Variants in MEGF10 observed in about 807,000 individuals in gnomAD.
MEGF10 encodes the protein multiple EGF like domains 10.
In MEGF10, 86 loss-of-function variants were observed where a neutral mutation model predicts 147.5. The ratio of observed to expected loss-of-function variants is 0.58; its 90% CI spans 0.49 to 0.70. The LOEUF (loss-of-function observed/expected upper bound fraction) is 0.70, where lower values mean the gene tolerates loss of function less well. MEGF10 is among the 30% of genes least tolerant of loss of function. The pLI is 0.00. For missense variants in MEGF10, 1,329 were observed against 1,487.3 expected, an observed-to-expected ratio of 0.89 and a Z score of 1.75; for synonymous variants, 478 against 525.5, an observed-to-expected ratio of 0.91 and a Z score of 1.24.
upstream of MEGF10, among the ~76,000 whole-genome samples, chr5:127,288,913 A>G (rs971831754): frequency 4.6e-5 from 7 of 152,244 alleles, no homozygotes; most frequent in African/African-American, 1.4e-4. Flanking sequence ...CAAACTTCAG[A>G]TACAGGCACA....
chr5:127,343,822 C>T (rs1761774842), intron 4 of MEGF10, among the ~76,000 whole-genome samples: 3 of 151,860 alleles, frequency 2.0e-5, no homozygotes, highest in African/African-American at 7.3e-5. Flanking sequence ...GCTCCAGAGA[C>T]TTTACTGAAG....
chr5:127,245,521 G>T, the MEGF10 span, among the ~76,000 whole-genome samples: 2 of 152,054 alleles, frequency 1.3e-5, no homozygotes, highest in African/African-American at 4.8e-5. Flanking sequence ...GAAAACCTAG[G>T]CAATACCATT....
chr5:127,269,253 G>T, the MEGF10 span, among the ~76,000 whole-genome samples: 4 of 152,274 alleles, frequency 2.6e-5, no homozygotes, highest in Non-Finnish European at 5.9e-5. Context: ...ATTTTGACGA[G>T]TTGAAAGAAG....
chr5:127,429,099 C>A (rs573085891), intron 13 of MEGF10, among the ~76,000 whole-genome samples: 1 of 152,330 alleles, frequency 6.6e-6, no homozygotes, highest in African/African-American at 2.4e-5. Context: ...CCAGAGATGG[C>A]TGCAGATTTA....
rs747392806 is a variant in MEGF10, at chr5:127,455,599, ATGAAGTTGG to A, written c.3228_3232+4del. 6.8e-6 allele frequency: 11 copies of A among 1,613,966 alleles called. No individual in the cohort carries two copies. The highest frequency in any genetic ancestry group is 1.3e-5 in the African/African-American group (1 of 74,922). On this transcript the variant is annotated splice_donor_variant and coding_sequence_variant, in exon 24 of 25. Coordinates refer to ENST00000503335, the MANE Select transcript of MEGF10 (RefSeq NM_001256545.2). LOFTEE classifies it high-confidence loss of function. ...TCAACTTCAGCCAACAGGAATGTCT[ATGAAGTTGG>A]TGAGTTCCCTTAACCATAGAAAGAA... is the stretch of plus-strand genomic sequence containing the variant.
chr5:127,440,740 A>T lies in MEGF10; in HGVS notation c.2235A>T (p.Arg745Ser). The T allele has an allele frequency of 6.2e-7, 1 of 1,613,914 alleles. No individual in the cohort carries two copies. The highest frequency in any genetic ancestry group is 8.5e-7 in the Non-Finnish European group (1 of 1,179,888). ...CTACTGTCCTCCCTCCTCCCACAGGATGTCCTCTAGGGTTTTATGGAAAAG... is the reference window on the plus strand; with the variant it reads ...CTACTGTCCTCCCTCCTCCCACAGGTTGTCCTCTAGGGTTTTATGGAAAAG... ...PGWTGLYCTQ[R>S]CPLGFYGKDC... Residue 745 changes from arginine to serine, a missense_variant and splice_region_variant, in exon 18 of 25, where the codon AGA becomes AGT. Around this residue, in one of 3 missense-constraint regions of MEGF10, gnomAD observed 980 missense variants for 1,085.9 expected, o/e 0.90. Coordinates refer to ENST00000503335, the MANE Select transcript of MEGF10 (RefSeq NM_001256545.2).
chr5:127,384,558 A>G (rs185868701), intron 5 of MEGF10, among the ~76,000 whole-genome samples: 7 of 152,326 alleles, frequency 4.6e-5, no homozygotes, highest in Admixed American at 4.6e-4. Flanking sequence ...TAGAGAATAA[A>G]TATTTTACAC....
At chr5:127,330,664 G>C (rs1761218525) in intron 1 of MEGF10, among the ~76,000 whole-genome samples, 1 of 152,178 alleles carries the variant, frequency 6.6e-6, no homozygotes, top group Non-Finnish European at 1.5e-5. Flanking sequence ...CTGTTCAGCA[G>C]ATGGAGAAAT....
intron 24 of MEGF10, among the ~76,000 whole-genome samples, chr5:127,455,947 T>C (rs1366694701): frequency 6.6e-6 from 1 of 152,102 alleles, no homozygotes; most frequent in Non-Finnish European, 1.5e-5. Flanking sequence ...TGTCACCATA[T>C]TTTATTAATA....
chr5:127,446,399 A>C (rs1395944532), intron 20 of MEGF10, among the ~76,000 whole-genome samples: 1 of 152,240 alleles, frequency 6.6e-6, no homozygotes, highest in Non-Finnish European at 1.5e-5. Flanking sequence ...TATGAGAAGT[A>C]GCTGATTTAC....
chr5:127,410,087 G>C (rs80218419), intron 8 of MEGF10, among the ~76,000 whole-genome samples: 1,550 of 152,184 alleles, frequency 0.01, 29 homozygotes, highest in African/African-American at 0.036. Flanking sequence ...ATGTAACTTT[G>C]GCAAGCACTA....
At chr5:127,319,720 A>G (rs1170667933) in intron 1 of MEGF10, among the ~76,000 whole-genome samples, 1 of 152,228 alleles carries the variant, frequency 6.6e-6, no homozygotes, top group African/African-American at 2.4e-5. Context: ...TGCCTTATTA[A>G]AGTCTTTGGC....
chr5:127,283,646 C>T, the MEGF10 span, among the ~76,000 whole-genome samples: 13 of 152,176 alleles, frequency 8.5e-5, no homozygotes, highest in South Asian at 2.1e-4. Context: ...GAAGCATCCA[C>T]GTAGGAGTTT....
the MEGF10 span, among the ~76,000 whole-genome samples, chr5:127,235,427 C>T: frequency 6.6e-6 from 1 of 152,208 alleles, no homozygotes; most frequent in African/African-American, 2.4e-5. Flanking sequence ...AGATAGTGTA[C>T]TGAATATTCT....
At chr5:127,405,780 CT>C (rs1299714169) in intron 8 of MEGF10, among the ~76,000 whole-genome samples, 2 of 151,866 alleles carry the variant, frequency 1.3e-5, no homozygotes, top group African/African-American at 4.8e-5. Flanking sequence ...TTTTAAATCC[CT>C]TTTTTTAATT....
At chr5:127,424,447 G>A (rs896852673) in intron 13 of MEGF10, 2 of 1,155,640 alleles carry the variant, frequency 1.7e-6, no homozygotes, top group African/African-American at 3.1e-5. Context: ...TGAATCTATA[G>A]ATCAATTTGG....
the MEGF10 span, among the ~76,000 whole-genome samples, chr5:127,279,282 A>G: frequency 6.6e-6 from 1 of 152,186 alleles, no homozygotes; most frequent in Non-Finnish European, 1.5e-5. Context: ...AGAGAGTTAG[A>G]AAAATAATTA....
chr5:127,256,170 C>G, the MEGF10 span, among the ~76,000 whole-genome samples: 2 of 151,976 alleles, frequency 1.3e-5, no homozygotes, highest in Admixed American at 1.3e-4. Flanking sequence ...TCTGTTAGAC[C>G]CTTTTCTTTA....
chr5:127,439,602 G>T (rs1438339168), intron 17 of MEGF10, among the ~76,000 whole-genome samples: 1 of 152,178 alleles, frequency 6.6e-6, no homozygotes, highest in Non-Finnish European at 1.5e-5. Context: ...TTAGAGAAAG[G>T]TACTTGTAAG....
Sources: allele counts gnomAD v4.1 joint callset (sites outside exome capture counted in the v4.1 genomes callset), GRCh38; gene constraint gnomAD v4.1.1; regional missense constraint gnomAD v4.1.1; transcripts MANE v1.5; gene names NCBI Gene and HGNC (gene_info 2026-07-23, HGNC 2026-07-21).